The following TOX variants were observed in gnomAD, a reference collection of about 807,000 sequenced individuals.
The protein encoded by TOX is thymocyte selection-associated high mobility group box protein TOX.
Under a neutral mutation model 53.7 loss-of-function variants are expected in TOX, and 11 were observed. That is an observed-to-expected ratio of 0.20 (90% CI 0.13 to 0.34). The LOEUF (loss-of-function observed/expected upper bound fraction) is 0.34, where lower values mean the gene tolerates loss of function less well. Among genes scored for constraint, TOX ranks in the 10% least tolerant of loss-of-function variants. TOX has a pLI of 1.00. For synonymous variants in TOX, 225 were observed against 245.3 expected, an observed-to-expected ratio of 0.92 and a Z score of 0.77; for missense variants, 570 against 664.6, an observed-to-expected ratio of 0.86 and a Z score of 1.56.
At chr8:58,937,937 T>C (rs1812374109) in intron 3 of TOX, among the ~76,000 whole-genome samples, 1 of 152,156 alleles carries the variant, frequency 6.6e-6, no homozygotes, top group Admixed American at 6.5e-5. Flanking sequence ...AATACATTTT[T>C]CAGCTTTACA....
chr8:59,069,617 C>T (rs1804157498), intron 1 of TOX, among the ~76,000 whole-genome samples: 1 of 152,136 alleles, frequency 6.6e-6, no homozygotes, highest in South Asian at 2.1e-4. Flanking sequence ...GATGATGGCT[C>T]TTAACCACAC....
intron 1 of TOX, among the ~76,000 whole-genome samples, chr8:59,039,958 A>G (rs530077996): frequency 1.3e-5 from 2 of 152,350 alleles, no homozygotes; most frequent in African/African-American, 4.8e-5. Flanking sequence ...TAAAAATATA[A>G]TAATTCCAAT....
At chr8:58,870,063 A>C (rs183843343) in intron 3 of TOX, among the ~76,000 whole-genome samples, 109 of 152,020 alleles carry the variant, frequency 7.2e-4, no homozygotes, top group Non-Finnish European at 1.2e-3. Flanking sequence ...TTGTACTGAA[A>C]GTTCTACCTA....
intron 3 of TOX, among the ~76,000 whole-genome samples, chr8:58,910,857 CA>C (rs1472709947): frequency 1.3e-5 from 2 of 152,092 alleles, no homozygotes; most frequent in Non-Finnish European, 2.9e-5. Flanking sequence ...TGGTATTTAT[CA>C]AGGAGATTCA....
intron 1 of TOX, among the ~76,000 whole-genome samples, chr8:59,116,953 A>G (rs995300437): frequency 6.6e-6 from 1 of 152,266 alleles, no homozygotes; most frequent in Non-Finnish European, 1.5e-5. Context: ...AAAATGATTT[A>G]ATATATTGAA....
At chr8:58,952,208 A>T (rs766767667) in intron 2 of TOX, among the ~76,000 whole-genome samples, 2 of 152,210 alleles carry the variant, frequency 1.3e-5, no homozygotes, top group Non-Finnish European at 2.9e-5. Context: ...TTATAGTAAA[A>T]ATGGGCAAAA....
At chr8:58,985,328 A>G (rs1813306857) in intron 1 of TOX, among the ~76,000 whole-genome samples, 1 of 152,150 alleles carries the variant, frequency 6.6e-6, no homozygotes, top group Admixed American at 6.6e-5. Flanking sequence ...AAATTCTAAC[A>G]CATGCTACAA....
At chr8:58,822,344 C>A (rs992608238) in intron 6 of TOX, among the ~76,000 whole-genome samples, 102 of 152,204 alleles carry the variant, frequency 6.7e-4, no homozygotes, top group Non-Finnish European at 5.9e-5. Flanking sequence ...GGCCTTCCAG[C>A]CAATTTTATG....
At chr8:59,015,304 G>C (rs1349376889) in intron 1 of TOX, among the ~76,000 whole-genome samples, 1 of 152,176 alleles carries the variant, frequency 6.6e-6, no homozygotes, top group Non-Finnish European at 1.5e-5. Context: ...TGCAGAAGAG[G>C]ATGCCAAATT....
chr8:59,092,576 T>C (rs774620753), intron 1 of TOX, among the ~76,000 whole-genome samples: 4 of 151,630 alleles, frequency 2.6e-5, no homozygotes, highest in Admixed American at 1.3e-4. Context: ...AGCAAACAAA[T>C]GCCAAGCTCT....
At chr8:58,980,111 A>C (rs1270441032) in intron 1 of TOX, among the ~76,000 whole-genome samples, 3 of 152,252 alleles carry the variant, frequency 2.0e-5, no homozygotes, top group Non-Finnish European at 2.9e-5. Context: ...TGGTAATTAG[A>C]TAGCTTAATA....
intron 1 of TOX, among the ~76,000 whole-genome samples, chr8:58,991,125 A>G (rs1377411317): frequency 6.6e-6 from 1 of 152,196 alleles, no homozygotes; most frequent in Non-Finnish European, 1.5e-5. Context: ...CAGAGTCGAC[A>G]TTGTCACCAC....
rs1805116771 is a variant in TOX at position 59,117,220 on chromosome 8, G to A, written c.102+1666C>T. ...ATTATTTTTTATTAGCAATAGTATT[G>A]GTGTCATAAGCAAAATAAAACGTAA... On this transcript the variant is annotated intron_variant, in intron 1 of 8. Coordinates refer to ENST00000361421, the MANE Select transcript of TOX (RefSeq NM_014729.3). The surrounding 1 kb of genome is among the most constrained non-coding windows in gnomAD (Gnocchi z 4.6). 6.6e-6 allele frequency among the ~76,000 whole-genome samples: 1 copy of A among 152,084 alleles called. No individual in the cohort carries two copies.
At chr8:58,887,983 C>T (rs983877602) in intron 3 of TOX, among the ~76,000 whole-genome samples, 2 of 152,022 alleles carry the variant, frequency 1.3e-5, no homozygotes, top group Admixed American at 1.3e-4. Context: ...ATGGTATAGC[C>T]TACTAAAGGC....
chr8:59,034,312 C>T (rs1814414978), intron 1 of TOX, among the ~76,000 whole-genome samples: 1 of 152,242 alleles, frequency 6.6e-6, no homozygotes, highest in South Asian at 2.1e-4. Context: ...ATGATAATTA[C>T]TACACAAACT....
intron 5 of TOX, among the ~76,000 whole-genome samples, chr8:58,831,512 A>T (rs998189137): frequency 2.6e-5 from 4 of 152,220 alleles, no homozygotes; most frequent in Admixed American, 2.6e-4. Flanking sequence ...AGATAAGAAA[A>T]CAGACTAGAA....
intron 1 of TOX, among the ~76,000 whole-genome samples, chr8:59,021,481 A>ATATTTATATATATATATATATAT (rs1554539852): frequency 1.5e-5 from 1 of 64,740 alleles, no homozygotes; most frequent in African/African-American, 5.3e-5. Context: ...AAAAAAAAAA[A>ATATTTATATATATATATATATAT]ATATATATAT....
At chr8:59,069,540 G>A (rs1804156284) in intron 1 of TOX, among the ~76,000 whole-genome samples, 1 of 152,032 alleles carries the variant, frequency 6.6e-6, no homozygotes, top group Non-Finnish European at 1.5e-5. Flanking sequence ...CATTTATTTG[G>A]GATCGATCAC....
chr8:58,908,990 C>T (rs1178846894), intron 3 of TOX, among the ~76,000 whole-genome samples: 1 of 152,222 alleles, frequency 6.6e-6, no homozygotes, highest in Non-Finnish European at 1.5e-5. Flanking sequence ...ATGATATTGG[C>T]TATCTTCCCT....
Sources: gnomAD v4.1 joint callset for allele counts (sites outside exome capture counted in the v4.1 genomes callset) on GRCh38, gnomAD v4.1.1 for gene constraint, Gnocchi (gnomAD v3.1) non-coding constraint, MANE v1.5 for transcripts, NCBI Gene and HGNC (gene_info 2026-07-23, HGNC 2026-07-21) for gene names.